ADCY3: variants seen among roughly 807,000 people sequenced by gnomAD.
The protein encoded by ADCY3 is adenylate cyclase type 3.
Under a neutral mutation model 119.4 loss-of-function variants are expected in ADCY3, and 70 were observed. The ratio of observed to expected loss-of-function variants is 0.59; its 90% CI spans 0.48 to 0.72. The LOEUF (loss-of-function observed/expected upper bound fraction) is 0.72. ADCY3 is among the 30% of genes least tolerant of loss of function. The pLI, the probability that ADCY3 is intolerant of heterozygous loss-of-function variation, is 0.00. For synonymous variants in ADCY3, 672 were observed against 621.4 expected, an observed-to-expected ratio of 1.08 and a Z score of -1.21; for missense variants, 1,238 against 1,541.6, an observed-to-expected ratio of 0.80 and a Z score of 3.30.
chr2:24,824,259 C>G (rs1273892529), intron 17 of ADCY3, 119 bp downstream of exon 17: 9 of 1,320,758 alleles, frequency 6.8e-6, no homozygotes, highest in Non-Finnish European at 8.3e-6. Flanking sequence ...AGGTTCAGCC[C>G]TACCTAGGCC....
intron 2 of ADCY3, among the ~76,000 whole-genome samples, chr2:24,875,716 CACA>C (rs1675607009): frequency 6.6e-6 from 1 of 152,236 alleles, no homozygotes; most frequent in Non-Finnish European, 1.5e-5. Context: ...ACCTCAGCAT[CACA>C]ACATTAAGTC....
chr2:24,851,878 G>A (rs761065544), intron 3 of ADCY3, among the ~76,000 whole-genome samples: 21 of 152,068 alleles, frequency 1.4e-4, no homozygotes, highest in Non-Finnish European at 2.2e-4. Flanking sequence ...CTATTGTCTC[G>A]CGCGTTGTTC....
chr2:24,913,516 A>C (rs1431675252), intron 2 of ADCY3, among the ~76,000 whole-genome samples: 1 of 152,104 alleles, frequency 6.6e-6, no homozygotes, highest in East Asian at 1.9e-4. Context: ...TTTCTCACTC[A>C]TCAGTGACCC....
At chr2:24,856,804 C>G (rs1048567708) in intron 3 of ADCY3, among the ~76,000 whole-genome samples, 1 of 152,164 alleles carries the variant, frequency 6.6e-6, no homozygotes, top group Non-Finnish European at 1.5e-5. Context: ...AACAGTACTC[C>G]AAAGAGCTTG....
At chr2:24,866,930 T>C (rs1572934074) in intron 3 of ADCY3, among the ~76,000 whole-genome samples, 1 of 152,126 alleles carries the variant, frequency 6.6e-6, no homozygotes, top group African/African-American at 2.4e-5. Flanking sequence ...AGAAGAGAGA[T>C]ACTTCTGGAA....
chr2:24,836,747 T>G (rs1209965624), intron 9 of ADCY3, among the ~76,000 whole-genome samples, 170 bp downstream of exon 9: 1 of 152,180 alleles, frequency 6.6e-6, no homozygotes, highest in Non-Finnish European at 1.5e-5. Flanking sequence ...AGTGGGGTTT[T>G]GCGGGGCTGG....
chr2:24,851,127 A>G (rs1236622251), intron 3 of ADCY3, among the ~76,000 whole-genome samples: 2 of 152,194 alleles, frequency 1.3e-5, no homozygotes, highest in East Asian at 3.9e-4. Context: ...CTTCTCTGGA[A>G]GGACCACAGT....
chr2:24,838,745 G>A, intron 7 of ADCY3, 123 bp from the exon 8 acceptor site: 1 of 1,587,002 alleles, frequency 6.3e-7, no homozygotes, highest in Non-Finnish European at 8.6e-7. Flanking sequence ...GGGCATGTGG[G>A]GCAGAGGCCA....
intron 3 of ADCY3, among the ~76,000 whole-genome samples, chr2:24,868,316 ATGAG>A (rs1674550006): frequency 6.6e-6 from 1 of 152,242 alleles, no homozygotes; most frequent in African/African-American, 2.4e-5. Context: ...AAACAATGTA[ATGAG>A]TGAGATCTGT....
intron 2 of ADCY3, among the ~76,000 whole-genome samples, chr2:24,895,304 G>A (rs1678127534): frequency 6.6e-6 from 1 of 151,774 alleles, no homozygotes; most frequent in Non-Finnish European, 1.5e-5. Context: ...TTTGTCGATG[G>A]TCTCGATCTC....
intron 3 of ADCY3, among the ~76,000 whole-genome samples, chr2:24,845,296 T>C (rs1029617117): frequency 2.1e-4 from 32 of 152,346 alleles, no homozygotes; most frequent in African/African-American, 7.5e-4. Context: ...CAGGAAACTG[T>C]GGGGAAGTCT....
chr2:24,835,933 CA>C (rs66514871), intron 9 of ADCY3, among the ~76,000 whole-genome samples: 68,194 of 129,562 alleles, frequency 0.53, 16,643 homozygotes, highest in East Asian at 0.76. Context: ...GACTCCATCT[CA>C]AAAAAAAAAA....
intron 2 of ADCY3, among the ~76,000 whole-genome samples, chr2:24,884,977 C>T (rs1369914269): frequency 6.6e-6 from 1 of 152,220 alleles, no homozygotes; most frequent in East Asian, 1.9e-4. Context: ...GATTTAAAGT[C>T]CTTTCCAATT....
At chr2:24,897,963 C>A (rs1678476811) in intron 2 of ADCY3, among the ~76,000 whole-genome samples, 1 of 152,156 alleles carries the variant, frequency 6.6e-6, no homozygotes, top group African/African-American at 2.4e-5. Context: ...ACTGCCTGCT[C>A]CAAAGCTTTC....
intron 3 of ADCY3, among the ~76,000 whole-genome samples, chr2:24,852,080 AG>A (rs1672363515): frequency 6.6e-6 from 1 of 152,096 alleles, no homozygotes; most frequent in South Asian, 2.1e-4. Context: ...TAACATAGTA[AG>A]GCCCTGACAG....
At chr2:24,882,863 C>A (rs1362730543) in intron 2 of ADCY3, among the ~76,000 whole-genome samples, 1 of 152,046 alleles carries the variant, frequency 6.6e-6, no homozygotes, top group Non-Finnish European at 1.5e-5. Flanking sequence ...TCGAGACCAG[C>A]CTGGGCAACT....
intron 2 of ADCY3, among the ~76,000 whole-genome samples, chr2:24,892,009 T>C (rs1573006764): frequency 6.6e-6 from 1 of 152,332 alleles, no homozygotes; most frequent in Middle Eastern, 3.4e-3. Context: ...TGTATAAGCA[T>C]TTAATGCTAC....
rs774750994 is a variant in ADCY3, at chr2:24,819,980, G to A, written c.3387C>T (p.Pro1129=). The A allele has an allele frequency of 6.2e-7, 1 of 1,613,718 alleles. No individual in the cohort carries two copies. Among genetic ancestry groups the A allele is most frequent in the South Asian group, 1.1e-5 (1 of 91,044 alleles). ...GGGGCAGTGTGACAGAGGGGCCATT[G>A]GGGAAGGTGGCTAGCTTATCCCGCC... ...LKGRDKLATF[P]NGPSVTLPHQ... Residue 1129 remains proline, a synonymous_variant, in exon 22 of 22, where the codon CCC becomes CCT. Coordinates refer to ENST00000679454, the MANE Select transcript of ADCY3 (RefSeq NM_004036.5).
chr2:24,829,623 TG>T (rs1452688435), intron 13 of ADCY3, among the ~76,000 whole-genome samples: 2 of 150,850 alleles, frequency 1.3e-5, no homozygotes, highest in East Asian at 3.9e-4. Flanking sequence ...GGGTTTCAAC[TG>T]TGTTAGCCAG....
Sources: allele counts gnomAD v4.1 joint callset (sites outside exome capture counted in the v4.1 genomes callset), GRCh38; gene constraint gnomAD v4.1.1; transcripts MANE v1.5; gene names NCBI Gene and HGNC (gene_info 2026-07-23, HGNC 2026-07-21).